Variants in TRPM3 observed in about 807,000 individuals in gnomAD.
The protein encoded by TRPM3 is transient receptor potential cation channel subfamily M member 3, also known as long transient receptor potential channel 3.
Under a neutral mutation model 181.2 loss-of-function variants are expected in TRPM3, and 77 were observed. That is an observed-to-expected ratio of 0.42 (90% confidence interval 0.35 to 0.51). The LOEUF (loss-of-function observed/expected upper bound fraction) is 0.51, where lower values mean the gene tolerates loss of function less well. TRPM3 is among the 20% of genes least tolerant of loss of function. The probability of loss-of-function intolerance (pLI) is 0.01; values close to 1 mark genes in which losing one functional copy is unlikely to be tolerated. For synonymous variants in TRPM3, 745 were observed against 796.4 expected (o/e 0.94, Z 1.09); for missense variants, 1,759 against 2,196.7 (o/e 0.80, Z 3.98).
chr9:71,400,670 C>T lies in TRPM3; in HGVS notation c.183+45983G>A, dbSNP rs576734404. On this transcript the variant is annotated intron_variant, in intron 1 of 24. Transcript: ENST00000357533. ...ATTGCTAATACTTAAAACCAAGGAC[C>T]TGCCATAGTTTACTATTACTGGTAA... 7.2e-5 allele frequency among the ~76,000 whole-genome samples: 11 copies of T among 152,020 alleles called. No individual in the cohort carries two copies. The East Asian group carries it at 1.9e-3, about 27-fold the overall frequency.
intron 1 of TRPM3, among the ~76,000 whole-genome samples, chr9:71,217,150 C>T (rs995566582): frequency 1.3e-5 from 2 of 151,428 alleles, no homozygotes; most frequent in Non-Finnish European, 2.9e-5. Context: ...CGGGGTTTCA[C>T]CGTGTTAGCC....
chr9:70,636,945 C>G (rs183788785), intron 11 of TRPM3, among the ~76,000 whole-genome samples: 25 of 152,276 alleles, frequency 1.6e-4, no homozygotes, highest in African/African-American at 6.0e-4. Context: ...GCCTTGGCCT[C>G]CCAAAGTGCT....
intron 24 of TRPM3, 29 bp from the exon 25 acceptor site, chr9:70,549,703 G>C: frequency 6.4e-7 from 1 of 1,574,282 alleles, no homozygotes; most frequent in Non-Finnish European, 8.6e-7. Flanking sequence ...AGGAAGTCTT[G>C]AGGGAGAGAA....
rs182224609 is a variant in TRPM3, at chr9:71,060,882, A to C, written c.177+60296T>G. Among the ~76,000 whole-genome samples, 608 of 152,246 alleles carry C rather than the reference A, an allele frequency of 4.0e-3. 2 individuals are homozygous for C. The highest frequency in any genetic ancestry group is 7.0e-3 in the Non-Finnish European group (474 of 67,990). Reference sequence around the variant, plus strand: ...GTCAAGCTACTTATACTTACCTGTGAGGGCAAATATTAAAATATATTTAAA... The same window carrying C: ...GTCAAGCTACTTATACTTACCTGTGCGGGCAAATATTAAAATATATTTAAA... On this transcript the variant is annotated intron_variant, in intron 1 of 25. Coordinates refer to ENST00000677713, the MANE Select transcript of TRPM3 (RefSeq NM_001366145.2).
intron 1 of TRPM3, among the ~76,000 whole-genome samples, chr9:70,969,230 T>G (rs3010432): frequency 6.6e-6 from 1 of 151,338 alleles, no homozygotes; most frequent in African/African-American, 2.4e-5. Flanking sequence ...GCAATAAGAA[T>G]ACATGGACAC....
chr9:71,378,906 A>G (rs1204563563), intron 1 of TRPM3, among the ~76,000 whole-genome samples: 1 of 152,042 alleles, frequency 6.6e-6, no homozygotes, highest in Non-Finnish European at 1.5e-5. Flanking sequence ...ACACAGTGAT[A>G]TAATTTAGAT....
intron 19 of TRPM3, among the ~76,000 whole-genome samples, chr9:70,605,179 T>C (rs1272749895): frequency 2.0e-5 from 3 of 151,850 alleles, no homozygotes; most frequent in Non-Finnish European, 4.4e-5. Context: ...TGGTCTTGAA[T>C]TCCTGACCTC....
chr9:71,041,628 G>C (rs189510523), intron 1 of TRPM3, among the ~76,000 whole-genome samples: 1 of 152,138 alleles, frequency 6.6e-6, no homozygotes, highest in Non-Finnish European at 1.5e-5. Flanking sequence ...CCAGACTCAG[G>C]TACGAGCCAT....
intron 9 of TRPM3, among the ~76,000 whole-genome samples, chr9:70,677,046 G>C (rs952097444): frequency 4.0e-5 from 6 of 149,834 alleles, no homozygotes; most frequent in African/African-American, 1.5e-4. Flanking sequence ...CTGGAAGCAA[G>C]TAAGGTAGGA....
At chr9:71,008,184 C>A (rs2097699924) in intron 1 of TRPM3, among the ~76,000 whole-genome samples, 1 of 151,902 alleles carries the variant, frequency 6.6e-6, no homozygotes, top group Non-Finnish European at 1.5e-5. Context: ...CTTATGAATT[C>A]TTGGACACAT....
intron 1 of TRPM3, among the ~76,000 whole-genome samples, chr9:70,967,401 T>A (rs555023776): frequency 8.1e-4 from 122 of 151,332 alleles, no homozygotes; most frequent in African/African-American, 1.4e-3. Context: ...TGTTTTTTTT[T>A]AAATTTTTTA....
intron 1 of TRPM3, among the ~76,000 whole-genome samples, chr9:71,062,115 TA>T (rs989791280): frequency 2.0e-5 from 3 of 152,016 alleles, no homozygotes; most frequent in African/African-American, 7.2e-5. Flanking sequence ...AGCTGGGTAA[TA>T]AAAATTTAAA....
intron 20 of TRPM3, among the ~76,000 whole-genome samples, chr9:70,601,592 G>C (rs1428607717): frequency 2.0e-5 from 3 of 152,188 alleles, no homozygotes; most frequent in Admixed American, 2.0e-4. Context: ...GAAAAGGTCA[G>C]ACTCGGAGGT....
chr9:71,066,123 AATGTTCCTACCTAT>A lies in TRPM3; in HGVS notation c.177+55041_177+55054del, dbSNP rs148089404. ...ACAGAAACGTATCACATATTTGAGA[AATGTTCCTACCTAT>A]ATGTTTAAAGTTAGAAAAAATAAGC... On this transcript the variant is annotated intron_variant, in intron 1 of 25. Coordinates refer to ENST00000677713, the MANE Select transcript of TRPM3 (RefSeq NM_001366145.2). 4.9e-3 allele frequency among the ~76,000 whole-genome samples: 749 copies of A among 152,252 alleles called. 15 individuals carry two copies. In the East Asian group the frequency reaches 0.078, roughly 16 times the overall value.
intron 1 of TRPM3, among the ~76,000 whole-genome samples, chr9:71,371,217 T>C (rs1034393676): frequency 5.9e-5 from 9 of 152,218 alleles, no homozygotes; most frequent in African/African-American, 2.2e-4. Flanking sequence ...AGGAGGAATC[T>C]TCACTTTCAA....
At chr9:70,983,421 C>T (rs78608773) in intron 1 of TRPM3, among the ~76,000 whole-genome samples, 2,277 of 152,124 alleles carry the variant, frequency 0.015, 69 homozygotes, top group African/African-American at 0.051. Context: ...ACTTCAAAGG[C>T]ATCAAACTCA....
intron 1 of TRPM3, among the ~76,000 whole-genome samples, chr9:71,393,183 T>C (rs1250413996): frequency 6.6e-6 from 1 of 152,128 alleles, no homozygotes; most frequent in Non-Finnish European, 1.5e-5. Flanking sequence ...GTCAGAGAAG[T>C]GAATTGACTT....
At chr9:71,114,743 G>T (rs2134265951) in intron 1 of TRPM3, among the ~76,000 whole-genome samples, 1 of 152,210 alleles carries the variant, frequency 6.6e-6, no homozygotes, top group South Asian at 2.1e-4. Flanking sequence ...ACATGCCCTT[G>T]AGTGACCACT....
At chr9:70,790,467 C>G (rs1227013544) in intron 6 of TRPM3, among the ~76,000 whole-genome samples, 1 of 152,132 alleles carries the variant, frequency 6.6e-6, no homozygotes, top group Non-Finnish European at 1.5e-5. Flanking sequence ...AATTCCTTGC[C>G]TTGCCAGCTC....
Sources: gnomAD v4.1 joint callset for allele counts (sites outside exome capture counted in the v4.1 genomes callset) on GRCh38, gnomAD v4.1.1 for gene constraint, MANE v1.5 for transcripts, NCBI Gene and HGNC (gene_info 2026-07-23, HGNC 2026-07-21) for gene names.